Variants in GRM1 observed in about 807,000 individuals in gnomAD.
The protein encoded by GRM1 is glutamate metabotropic receptor 1, also known as metabotropic glutamate receptor 1.
GRM1 carries 33 observed loss-of-function variants against 90.9 expected under a neutral mutation model. The observed-to-expected ratio is 0.36, with a 90% CI of 0.28 to 0.49. The LOEUF (loss-of-function observed/expected upper bound fraction) is 0.49. GRM1 is among the 20% of genes least tolerant of loss of function. The pLI is 0.99. For missense variants in GRM1, 1,190 were observed against 1,534.3 expected, an observed-to-expected ratio of 0.78 and a Z score of 3.75; for synonymous variants, 700 against 613.2, an observed-to-expected ratio of 1.14 and a Z score of -2.09.
chr6:146,063,697 G>A (rs921206521), intron 1 of GRM1, among the ~76,000 whole-genome samples: 2 of 151,768 alleles, frequency 1.3e-5, no homozygotes, highest in African/African-American at 4.8e-5. Context: ...TTAGGCTTTT[G>A]AGCACTGAAG....
intron 1 of GRM1, among the ~76,000 whole-genome samples, chr6:146,131,152 A>T (rs1180934081): frequency 1.3e-5 from 2 of 152,234 alleles, no homozygotes; most frequent in Non-Finnish European, 2.9e-5. Flanking sequence ...TACTCAGTTA[A>T]GACCTAGGCA....
At chr6:146,353,720 C>A (rs1474840412) in intron 4 of GRM1, among the ~76,000 whole-genome samples, 2 of 152,206 alleles carry the variant, frequency 1.3e-5, no homozygotes, top group Non-Finnish European at 2.9e-5. Context: ...ATTTCTGTCC[C>A]CCAGATTCAA....
intron 2 of GRM1, among the ~76,000 whole-genome samples, chr6:146,225,140 C>T (rs924706447): frequency 1.3e-5 from 2 of 152,050 alleles, no homozygotes; most frequent in Admixed American, 6.6e-5. Context: ...TTTGTATGAC[C>T]GATATCTGGT....
chr6:146,222,591 T>C (rs542551059), intron 2 of GRM1, among the ~76,000 whole-genome samples: 1 of 152,158 alleles, frequency 6.6e-6, no homozygotes, highest in South Asian at 2.1e-4. Flanking sequence ...TTTTCCTACT[T>C]ACCTTTTTTA....
At chr6:146,376,731 A>G (rs960699411) in intron 5 of GRM1, among the ~76,000 whole-genome samples, 2 of 151,978 alleles carry the variant, frequency 1.3e-5, no homozygotes, top group Middle Eastern at 3.2e-3. Flanking sequence ...TAATACTATG[A>G]TTATTAAGTG....
chr6:146,387,759 G>A (rs1322236690), intron 6 of GRM1, among the ~76,000 whole-genome samples: 1 of 152,056 alleles, frequency 6.6e-6, no homozygotes, highest in Admixed American at 6.6e-5. Flanking sequence ...GACACTGATG[G>A]GATGGCAGAG....
chr6:146,104,005 A>C (rs1777138040), intron 1 of GRM1, among the ~76,000 whole-genome samples: 2 of 152,142 alleles, frequency 1.3e-5, no homozygotes, highest in African/African-American at 4.8e-5. Context: ...CCTAGGAAAG[A>C]GAATGGTTTG....
intron 1 of GRM1, among the ~76,000 whole-genome samples, chr6:146,064,926 A>G (rs1775797697): frequency 6.6e-6 from 1 of 152,080 alleles, no homozygotes; most frequent in Admixed American, 6.6e-5. Flanking sequence ...ATCAATATCT[A>G]AATACTAGAT....
At chr6:146,181,143 G>C (rs1778536699) in intron 2 of GRM1, among the ~76,000 whole-genome samples, 1 of 151,830 alleles carries the variant, frequency 6.6e-6, no homozygotes, top group Non-Finnish European at 1.5e-5. Flanking sequence ...AGTGCCCATG[G>C]ATAACATGCA....
intron 1 of GRM1, among the ~76,000 whole-genome samples, chr6:146,126,382 A>G (rs1776200289): frequency 6.6e-6 from 1 of 152,104 alleles, no homozygotes; most frequent in Non-Finnish European, 1.5e-5. Flanking sequence ...GCTTTTCTAT[A>G]TATTTTTGGT....
intron 7 of GRM1, among the ~76,000 whole-genome samples, chr6:146,428,683 T>C (rs1298377757): frequency 6.6e-6 from 1 of 152,214 alleles, no homozygotes; most frequent in Non-Finnish European, 1.5e-5. Flanking sequence ...AATATAATCA[T>C]ATTTGTTATA....
chr6:146,077,988 G>T (rs566240268), intron 1 of GRM1, among the ~76,000 whole-genome samples: 1 of 152,158 alleles, frequency 6.6e-6, no homozygotes, highest in Non-Finnish European at 1.5e-5. Flanking sequence ...GCCCGATAAA[G>T]GTGCGCCATA....
chr6:146,126,654 T>G (rs1326670204), intron 1 of GRM1, among the ~76,000 whole-genome samples: 1 of 152,152 alleles, frequency 6.6e-6, no homozygotes, highest in East Asian at 1.9e-4. Flanking sequence ...TTTTAATCAT[T>G]AAGGGACAGG....
chr6:146,087,046 T>C (rs1776570986), intron 1 of GRM1, among the ~76,000 whole-genome samples: 1 of 152,120 alleles, frequency 6.6e-6, no homozygotes, highest in African/African-American at 2.4e-5. Flanking sequence ...AAAACTTTTA[T>C]GTTAAGTTTA....
chr6:146,187,604 G>A (rs1778779715), intron 2 of GRM1, among the ~76,000 whole-genome samples: 1 of 151,934 alleles, frequency 6.6e-6, no homozygotes, highest in Non-Finnish European at 1.5e-5. Flanking sequence ...ACCAAGTAGA[G>A]GGGAGGCAAA....
intron 1 of GRM1, among the ~76,000 whole-genome samples, chr6:146,037,592 A>G (rs1296771829): frequency 1.3e-5 from 2 of 151,864 alleles, no homozygotes; most frequent in Admixed American, 1.3e-4. Context: ...AGCAGCTTCT[A>G]GGAGATTCCT....
intron 1 of GRM1, among the ~76,000 whole-genome samples, chr6:146,061,880 CT>C (rs1312371366): frequency 1.3e-5 from 2 of 152,088 alleles, no homozygotes; most frequent in African/African-American, 4.8e-5. Flanking sequence ...AATAGGAACA[CT>C]TTTACATTGT....
At chr6:146,389,240 C>G (rs1038257896) in intron 6 of GRM1, among the ~76,000 whole-genome samples, 7 of 151,980 alleles carry the variant, frequency 4.6e-5, no homozygotes, top group African/African-American at 1.7e-4. Flanking sequence ...AAAGTGACCT[C>G]TTTATGAGGT....
intron 1 of GRM1, among the ~76,000 whole-genome samples, chr6:146,094,725 A>G (rs989613025): frequency 2.0e-5 from 3 of 152,128 alleles, no homozygotes; most frequent in African/African-American, 7.2e-5. Context: ...TTGCAGTGGA[A>G]TAGGAGAATA....
Sources: gnomAD v4.1 joint callset for allele counts (sites outside exome capture counted in the v4.1 genomes callset) on GRCh38, gnomAD v4.1.1 for gene constraint, MANE v1.5 for transcripts, NCBI Gene and HGNC (gene_info 2026-07-23, HGNC 2026-07-21) for gene names.